The following SOAT1 variants were observed in gnomAD, a reference collection of about 807,000 sequenced individuals.
SOAT1 encodes the protein acyl-coenzyme A:cholesterol acyltransferase 1.
In SOAT1, 55 loss-of-function variants were observed where a neutral mutation model predicts 69.5. The ratio of observed to expected loss-of-function variants is 0.79; its 90% CI spans 0.64 to 0.99. The LOEUF is 0.99. Among genes scored for constraint, SOAT1 ranks in the 50% least tolerant of loss-of-function variants. The pLI, the probability that SOAT1 is intolerant of heterozygous loss-of-function variation, is 0.00. For synonymous variants in SOAT1, 231 were observed against 224.7 expected (o/e 1.03, Z -0.25); for missense variants, 580 against 669.3 (o/e 0.87, Z 1.47).
At chr1:179,313,584 G>GTA (rs1425798420) in intron 2 of SOAT1, among the ~76,000 whole-genome samples, 1 of 150,864 alleles carries the variant, frequency 6.6e-6, no homozygotes. Context: ...GTATATATAT[G>GTA]TATATATATA....
chr1:179,300,252 T>C (rs1245159280), intron 1 of SOAT1, among the ~76,000 whole-genome samples: 5 of 152,154 alleles, frequency 3.3e-5, no homozygotes. Context: ...GTCTTTCTTT[T>C]TCTTCCCTGA....
At chr1:179,324,601 G>C (rs914754176) in intron 3 of SOAT1, among the ~76,000 whole-genome samples, 2 of 152,140 alleles carry the variant, frequency 1.3e-5, no homozygotes, top group Non-Finnish European at 2.9e-5. Flanking sequence ...TATTTTTCCT[G>C]ATTCCATTAA....
intron 1 of SOAT1, among the ~76,000 whole-genome samples, chr1:179,299,745 CTTTTTTTTTTTTTTT>C (rs1162260815): frequency 1.4e-4 from 10 of 69,520 alleles, no homozygotes; most frequent in Non-Finnish European, 2.5e-4. Context: ...ATTTTGCTAT[CTTTTTTTTTTTTTTT>C]TTTTTTTTTT....
intron 2 of SOAT1, among the ~76,000 whole-genome samples, chr1:179,315,003 CT>C (rs1405426571): frequency 2.0e-5 from 3 of 152,134 alleles, no homozygotes; most frequent in African/African-American, 7.2e-5. Flanking sequence ...AAATAACTGA[CT>C]CCTAGTGTTA....
intron 4 of SOAT1, among the ~76,000 whole-genome samples, chr1:179,336,824 G>A (rs530522588): frequency 1.3e-5 from 2 of 152,052 alleles, no homozygotes; most frequent in East Asian, 1.9e-4. Context: ...GTGAAACCCC[G>A]TCTCTACTAA....
At chr1:179,342,835 G>A in intron 8 of SOAT1, 27 bp from the exon 9 acceptor site, 1 of 1,554,572 alleles carries the variant, frequency 6.4e-7, no homozygotes, top group Non-Finnish European at 8.9e-7. Flanking sequence ...AAGAGCCTTT[G>A]CTCTAACTAT....
At chr1:179,296,005 A>T (rs1314515830) in intron 1 of SOAT1, among the ~76,000 whole-genome samples, 3 of 111,122 alleles carry the variant, frequency 2.7e-5, no homozygotes, top group African/African-American at 1.1e-4. Flanking sequence ...TTTTTTTAGT[A>T]AAGACTGATC....
intron 2 of SOAT1, among the ~76,000 whole-genome samples, chr1:179,309,576 G>A (rs1290817276): frequency 2.0e-5 from 3 of 151,970 alleles, no homozygotes; most frequent in African/African-American, 7.3e-5. Flanking sequence ...TATACATATA[G>A]CATAAATTTG....
At chr1:179,323,390 G>A (rs1665673351) in intron 2 of SOAT1, 47 bp from the exon 3 acceptor site, 4 of 1,493,418 alleles carry the variant, frequency 2.7e-6, no homozygotes, top group Non-Finnish European at 3.7e-6. Flanking sequence ...GTGCTACTAG[G>A]TAGCTGTATC....
intron 12 of SOAT1, 44 bp downstream of exon 12, chr1:179,347,741 C>A: frequency 9.0e-7 from 1 of 1,106,346 alleles, no homozygotes; most frequent in Non-Finnish European, 1.3e-6. Flanking sequence ...ATTTTATTAA[C>A]TTCTTCATTA....
intron 2 of SOAT1, among the ~76,000 whole-genome samples, chr1:179,316,463 C>T (rs905733481): frequency 2.0e-5 from 3 of 152,044 alleles, no homozygotes; most frequent in Admixed American, 1.3e-4. Flanking sequence ...ATGGTATGAT[C>T]TCGGCTCACC....
At chr1:179,318,576 C>G (rs1665476947) in intron 2 of SOAT1, among the ~76,000 whole-genome samples, 1 of 152,082 alleles carries the variant, frequency 6.6e-6, no homozygotes, top group African/African-American at 2.4e-5. Context: ...TTAGCATCAC[C>G]TCCCCAAAAC....
rs948822016 is a variant in SOAT1 at position 179,358,243 on chromosome 1, A to G, written c.*4602A>G. On this transcript the variant is annotated 3_prime_UTR_variant, in exon 16 of 16. Transcript: ENST00000367619. ...TAGTCAAGCATATTATTAAAGTTTA[A>G]AAAACTCTAAAACTTCTGTACTGTT... 1 of 152,202 alleles carries G rather than the reference A, an allele frequency of 6.6e-6. No individual in the cohort carries two copies. Among genetic ancestry groups the G allele is most frequent in the African/African-American group, 2.4e-5 (1 of 41,438 alleles). 9.4% of individuals were successfully genotyped at this position (152,202 alleles called of 1,614,324 possible).
At chr1:179,315,424 A>G (rs1665358545) in intron 2 of SOAT1, among the ~76,000 whole-genome samples, 1 of 152,018 alleles carries the variant, frequency 6.6e-6, no homozygotes, top group Non-Finnish European at 1.5e-5. Context: ...TGATCATGCC[A>G]TAGCCACTGC....
intron 2 of SOAT1, among the ~76,000 whole-genome samples, chr1:179,320,972 C>G (rs372157922): frequency 3.5e-4 from 53 of 151,470 alleles, no homozygotes; most frequent in African/African-American, 1.2e-3. Flanking sequence ...GTGGCGCGAT[C>G]TTGTCTTACT....
In SOAT1 at chr1:179,356,719, C is replaced by T. The variant is rs1666920618; in HGVS notation, c.*3078C>T. 1.3e-5 allele frequency: 2 copies of T among 152,020 alleles called. 1 individual carries two copies. Among genetic ancestry groups the T allele is most frequent in the South Asian group, 4.2e-4 (2 of 4,814 alleles). The allele number at this position is 152,020 out of a possible 1,614,324, so 9.4% of individuals were successfully genotyped here. On this transcript the variant is annotated 3_prime_UTR_variant, in exon 16 of 16. Transcript: ENST00000367619. ...TACTTTGTTTTTGTTTTTAAAGAGA[C>T]AGGGTCTCACTCTGTTGCCCAGGCT...
At chr1:179,317,547 A>AAG (rs1445024419) in intron 2 of SOAT1, among the ~76,000 whole-genome samples, 1 of 151,880 alleles carries the variant, frequency 6.6e-6, no homozygotes, top group Non-Finnish European at 1.5e-5. Context: ...AAAAAAAAAA[A>AAG]AATACTTAAG....
intron 3 of SOAT1, among the ~76,000 whole-genome samples, chr1:179,324,410 G>T (rs1289428150): frequency 6.7e-6 from 1 of 149,838 alleles, no homozygotes; most frequent in African/African-American, 2.5e-5. Context: ...ATTTATTAAA[G>T]AACATATTTG....
At chr1:179,352,250 CT>C (rs369185631) in intron 15 of SOAT1, among the ~76,000 whole-genome samples, 225 of 141,852 alleles carry the variant, frequency 1.6e-3, no homozygotes, top group Middle Eastern at 3.6e-3. Flanking sequence ...AGGAGGATGG[CT>C]TTTTTTTTTT....
Sources: allele counts gnomAD v4.1 joint callset (sites outside exome capture counted in the v4.1 genomes callset), GRCh38; gene constraint gnomAD v4.1.1; transcripts MANE v1.5; gene names NCBI Gene and HGNC (gene_info 2026-07-23, HGNC 2026-07-21).